The following SCP2 variants were observed in gnomAD, a reference collection of about 807,000 sequenced individuals.
The protein encoded by SCP2 is SCP-2/3-oxoacyl-CoA thiolase.
SCP2 carries 48 observed loss-of-function variants against 71.4 expected under a neutral mutation model. That is an observed-to-expected ratio of 0.67 (90% CI 0.53 to 0.86). The LOEUF (loss-of-function observed/expected upper bound fraction) is 0.86. Ranked by LOEUF, SCP2 falls within the 40% of genes least tolerant of loss-of-function variation. SCP2 has a pLI of 0.00. For missense variants in SCP2, 560 were observed against 655.6 expected, an observed-to-expected ratio of 0.85 and a Z score of 1.59; for synonymous variants, 220 against 218.1, an observed-to-expected ratio of 1.01 and a Z score of -0.08.
intron 1 of SCP2, among the ~76,000 whole-genome samples, chr1:52,932,045 C>G (rs1025613852): frequency 2.6e-5 from 4 of 151,416 alleles, no homozygotes; most frequent in Non-Finnish European, 5.9e-5. Flanking sequence ...GACAATGGAG[C>G]AAGAACAAAG....
intron 6 of SCP2, among the ~76,000 whole-genome samples, chr1:52,967,562 G>A (rs150018764): frequency 0.018 from 2,740 of 152,180 alleles, 47 homozygotes; most frequent in Middle Eastern, 0.068. Flanking sequence ...GAGTGCAGTG[G>A]CACTATCTTG....
chr1:52,962,214 T>C (rs1656529949), intron 6 of SCP2, among the ~76,000 whole-genome samples: 1 of 152,152 alleles, frequency 6.6e-6, no homozygotes, highest in African/African-American at 2.4e-5. Context: ...GGACTATAAA[T>C]TGAGGATCTT....
chr1:53,027,927 A>G (rs1662249966), intron 12 of SCP2, 42 bp from the exon 13 acceptor site: 1 of 1,063,166 alleles, frequency 9.4e-7, no homozygotes, highest in Admixed American at 1.7e-5. Flanking sequence ...AAAACCTAGT[A>G]CCTATGTGAC....
intron 6 of SCP2, among the ~76,000 whole-genome samples, chr1:52,962,259 T>C (rs1043957706): frequency 2.0e-5 from 3 of 152,178 alleles, no homozygotes; most frequent in Non-Finnish European, 4.4e-5. Context: ...AAGATCAAGC[T>C]ATTCATACTC....
chr1:53,003,394 A>AT (rs1288730864), intron 11 of SCP2, among the ~76,000 whole-genome samples: 2 of 151,632 alleles, frequency 1.3e-5, no homozygotes, highest in Non-Finnish European at 2.9e-5. Context: ...AATTTTTTAC[A>AT]TTTTTGGTAG....
chr1:53,044,347 C>T (rs1029772547), intron 14 of SCP2, among the ~76,000 whole-genome samples: 9 of 152,188 alleles, frequency 5.9e-5, no homozygotes, highest in African/African-American at 2.2e-4. Flanking sequence ...TGTGAGCCAG[C>T]GCACCCGGCT....
intron 11 of SCP2, chr1:52,995,763 C>T (rs1659889263): frequency 7.7e-6 from 6 of 781,014 alleles, no homozygotes; most frequent in East Asian, 2.4e-5. Context: ...GACATCCCAC[C>T]TCATGGCTTC....
chr1:53,042,857 T>A (rs1448969106), intron 14 of SCP2, among the ~76,000 whole-genome samples: 1 of 152,152 alleles, frequency 6.6e-6, no homozygotes, highest in Non-Finnish European at 1.5e-5. Context: ...ATTTTTAGAT[T>A]TTGTGCATTT....
At chr1:52,973,296 G>A (rs72899322) in intron 6 of SCP2, among the ~76,000 whole-genome samples, 2,671 of 150,560 alleles carry the variant, frequency 0.018, 77 homozygotes, top group African/African-American at 0.061. Flanking sequence ...GTAAAGACGT[G>A]TTTAGCTTTG....
At chr1:53,024,974 C>T (rs998726435) in intron 12 of SCP2, among the ~76,000 whole-genome samples, 1 of 152,152 alleles carries the variant, frequency 6.6e-6, no homozygotes, top group Non-Finnish European at 1.5e-5. Flanking sequence ...CACCACATTC[C>T]TCTCCAGAGA....
intron 2 of SCP2, among the ~76,000 whole-genome samples, chr1:52,944,698 G>A (rs1490661633): frequency 6.6e-6 from 1 of 152,026 alleles, no homozygotes; most frequent in African/African-American, 2.4e-5. Flanking sequence ...AGTTAATGAT[G>A]TTTGAAATTA....
At chr1:52,933,581 T>A (rs2150097354) in intron 1 of SCP2, among the ~76,000 whole-genome samples, 1 of 152,354 alleles carries the variant, frequency 6.6e-6, no homozygotes, top group African/African-American at 2.4e-5. Context: ...CATATGTTTA[T>A]TGTTTTTCCT....
chr1:52,999,184 G>A (rs1660143789), intron 11 of SCP2, among the ~76,000 whole-genome samples: 1 of 152,202 alleles, frequency 6.6e-6, no homozygotes, highest in Non-Finnish European at 1.5e-5. Flanking sequence ...GCTACATATT[G>A]AGGATTTGGA....
intron 11 of SCP2, chr1:52,993,633 T>A (rs1659706232): frequency 6.2e-7 from 1 of 1,612,368 alleles, no homozygotes; most frequent in Non-Finnish European, 8.5e-7. Context: ...CGGGCTGCTC[T>A]GTCATCTATC....
Position 52,954,748 on chromosome 1 carries a change from G to A in SCP2, c.340G>A (p.Glu114Lys). 6.2e-7 allele frequency: 1 copy of A among 1,613,580 alleles called. No homozygotes were observed. The highest frequency in any genetic ancestry group is 8.5e-7 in the Non-Finnish European group (1 of 1,179,484). ...ARQLIQGGVAECVLALGFEKM... is the reference protein window; with the variant it reads ...ARQLIQGGVAKCVLALGFEKM... ...TTACGTTTTCCTTTAAGGTGTGGCA[G>A]AATGTGTCTTGGCTCTTGGGTTTGA... Residue 114 changes from glutamate to lysine, a missense_variant, in exon 5 of 16, where the codon GAA (glutamate) becomes AAA (lysine). Glu to Lys is a moderately conservative substitution (Grantham distance 56, BLOSUM62 1). Around this residue, in one of 3 missense-constraint regions of SCP2, gnomAD observed 513 missense variants for 573.1 expected, o/e 0.90. Transcript: ENST00000371514.
chr1:52,990,602 C>T (rs866814362), intron 11 of SCP2, among the ~76,000 whole-genome samples: 8 of 151,628 alleles, frequency 5.3e-5, no homozygotes, highest in African/African-American at 9.7e-5. Flanking sequence ...GGCGTGGTGG[C>T]GGGCGCCTGC....
intron 11 of SCP2, chr1:52,993,645 C>T: frequency 1.2e-6 from 2 of 1,612,446 alleles, no homozygotes; most frequent in South Asian, 2.2e-5. Flanking sequence ...TCATCTATCA[C>T]ACACTGCTTT....
At chr1:52,952,133 T>A (rs1655372631) in intron 4 of SCP2, among the ~76,000 whole-genome samples, 1 of 152,130 alleles carries the variant, frequency 6.6e-6, no homozygotes, top group Non-Finnish European at 1.5e-5. Context: ...CATTCTCTAT[T>A]TTCTCCTCCC....
intron 4 of SCP2, 146 bp downstream of exon 4, chr1:52,951,032 GCA>G (rs1655247073): frequency 1.1e-6 from 1 of 912,954 alleles, no homozygotes; most frequent in African/African-American, 1.6e-5. Context: ...TGTAACCCTA[GCA>G]CTTTGGGAGG....
Sources: allele counts gnomAD v4.1 joint callset (sites outside exome capture counted in the v4.1 genomes callset), GRCh38; gene constraint gnomAD v4.1.1; regional missense constraint gnomAD v4.1.1; transcripts MANE v1.5; gene names NCBI Gene and HGNC (gene_info 2026-07-23, HGNC 2026-07-21).